Variants in PHACTR4 observed in about 807,000 individuals in gnomAD.
PHACTR4 encodes phosphatase and actin regulator 4, also known as protein phosphatase 1, regulatory subunit 124.
PHACTR4 carries 51 observed loss-of-function variants against 72.7 expected under a neutral mutation model. The ratio of observed to expected loss-of-function variants is 0.70; its 90% CI spans 0.56 to 0.89. The LOEUF (loss-of-function observed/expected upper bound fraction) is 0.89, where lower values mean the gene tolerates loss of function less well. Ranked by LOEUF, PHACTR4 falls within the 40% of genes least tolerant of loss-of-function variation. The pLI is 0.00. For missense variants in PHACTR4, 731 were observed against 861.8 expected (o/e 0.85, Z 1.90); for synonymous variants, 255 against 302.5 (o/e 0.84, Z 1.63).
At chr1:28,459,304 A>G (rs571464641) in intron 3 of PHACTR4, 46 bp downstream of exon 3, 36 of 1,516,266 alleles carry the variant, frequency 2.4e-5, no homozygotes, top group Non-Finnish European at 3.2e-5. Flanking sequence ...AGAATTCTCT[A>G]TGTTAGATGT....
chr1:28,388,679 G>A (rs947954384), intron 1 of PHACTR4, among the ~76,000 whole-genome samples: 2 of 152,094 alleles, frequency 1.3e-5, no homozygotes, highest in East Asian at 1.9e-4. Context: ...GTGAAACCCC[G>A]TCTCTACTAA....
rs192164131 is a variant in PHACTR4, at chr1:28,442,655, C to T, written c.17-16430C>T. ...CCGAGTAGCTGGGACTACAGGTGCC[C>T]ACCACTAAGCCTGGCTAATTTTTGT... On this transcript the variant is annotated intron_variant, in intron 2 of 13. Transcript: ENST00000373839. Among the ~76,000 whole-genome samples the T allele has an allele frequency of 1.4e-3, 219 of 151,982 alleles. 1 individual carries two copies. Among genetic ancestry groups the T allele is most frequent in the Non-Finnish European group, 2.5e-3 (173 of 67,954 alleles).
intron 2 of PHACTR4, among the ~76,000 whole-genome samples, chr1:28,445,833 G>A (rs1657427103): frequency 6.6e-6 from 1 of 152,108 alleles, no homozygotes; most frequent in Admixed American, 6.6e-5. Flanking sequence ...GGTTGAGGCT[G>A]CAGTGAGCCA....
At chr1:28,491,621 G>C (rs745696918) in intron 11 of PHACTR4, 29 bp from the exon 12 acceptor site, 1 of 1,613,692 alleles carries the variant, frequency 6.2e-7, no homozygotes, top group Non-Finnish European at 8.5e-7. Context: ...TTATTGGCTT[G>C]GTGAACTAAG....
intron 2 of PHACTR4, among the ~76,000 whole-genome samples, chr1:28,456,749 A>T (rs1227506545): frequency 1.3e-5 from 2 of 151,918 alleles, no homozygotes; most frequent in East Asian, 3.9e-4. Flanking sequence ...CATTCTCATA[A>T]TTTCAACTAT....
chr1:28,487,727 G>GTTTTTTTTTTTTTTTTT (rs780028378), intron 9 of PHACTR4, among the ~76,000 whole-genome samples: 6 of 63,310 alleles, frequency 9.5e-5, no homozygotes, highest in African/African-American at 3.3e-4. Context: ...GTTTTTTGTT[G>GTTTTTTTTTTTTTTTTT]TTTTTTTTTT....
At position 28,476,089 on chromosome 1, in the gene PHACTR4, A is replaced by C. The variant is rs867210146; in HGVS notation, c.1422-18A>C. On this transcript the variant is annotated intron_variant, in intron 7 of 13. Transcript: ENST00000373839. ...TCTTCATTTCTAAAAGGAAAATATA[A>C]TTATGTTAATTTGTTAGTCCAGACG... 1 of 1,579,746 alleles carries C rather than the reference A, an allele frequency of 6.3e-7. No individual in the cohort carries two copies. The highest frequency in any genetic ancestry group is 1.9e-4 in the Middle Eastern group (1 of 5,330).
intron 2 of PHACTR4, among the ~76,000 whole-genome samples, chr1:28,452,921 C>A (rs1471029158): frequency 6.6e-6 from 1 of 152,164 alleles, no homozygotes; most frequent in Non-Finnish European, 1.5e-5. Context: ...GAGCTCGAGA[C>A]CAGCCTAGCC....
At position 28,478,641 on chromosome 1, in the gene PHACTR4, A is replaced by C. The variant is rs538462518; in HGVS notation, c.1607-1810A>C. Among the ~76,000 whole-genome samples the C allele has an allele frequency of 9.2e-5, 14 of 151,660 alleles. No homozygotes were observed. The East Asian group carries it at 2.7e-3, about 29-fold the overall frequency. On this transcript the variant is annotated intron_variant, in intron 8 of 13. Coordinates refer to ENST00000373839, the MANE Select transcript of PHACTR4 (RefSeq NM_001048183.3). Reference sequence around the variant, plus strand: ...GTTTTTGTTTTTGTTTTTTTAGTGGAGACAGGGTTTCACCATATTGGCTGG... The same window carrying C: ...GTTTTTGTTTTTGTTTTTTTAGTGGCGACAGGGTTTCACCATATTGGCTGG...
chr1:28,388,809 C>G (rs1368225885), intron 1 of PHACTR4, among the ~76,000 whole-genome samples: 1 of 151,938 alleles, frequency 6.6e-6, no homozygotes, highest in Non-Finnish European at 1.5e-5. Context: ...GAGATCATGC[C>G]ATTGTACTCC....
chr1:28,478,360 A>G (rs868049745), intron 8 of PHACTR4, among the ~76,000 whole-genome samples: 2 of 152,202 alleles, frequency 1.3e-5, no homozygotes, highest in African/African-American at 4.8e-5. Context: ...TGCAATAAGC[A>G]TGACTGATTG....
chr1:28,480,719 C>G, intron 9 of PHACTR4, 115 bp downstream of exon 9: 4 of 1,356,324 alleles, frequency 2.9e-6, no homozygotes, highest in East Asian at 2.3e-5. Flanking sequence ...GAGACAGGGT[C>G]TTGCTCTGTC....
At chr1:28,475,622 C>G (rs977014210) in intron 7 of PHACTR4, among the ~76,000 whole-genome samples, 1 of 151,996 alleles carries the variant, frequency 6.6e-6, no homozygotes, top group African/African-American at 2.4e-5. Flanking sequence ...AGATTAATAC[C>G]TGCTAAAAAG....
intron 7 of PHACTR4, among the ~76,000 whole-genome samples, chr1:28,474,358 G>A (rs182336594): frequency 2.0e-5 from 3 of 151,654 alleles, no homozygotes; most frequent in Non-Finnish European, 4.4e-5. Context: ...ACCCTGTCTC[G>A]ATGAAAATAA....
intron 1 of PHACTR4, among the ~76,000 whole-genome samples, chr1:28,386,616 A>C (rs1652577175): frequency 6.6e-6 from 1 of 152,086 alleles, no homozygotes; most frequent in South Asian, 2.1e-4. Context: ...TGTTGGGTAT[A>C]TATATGTGGC....
rs1344376414 is a variant in PHACTR4 at position 28,497,688 on chromosome 1, A to C, written c.*1139A>C. On this transcript the variant is annotated 3_prime_UTR_variant, in exon 14 of 14. Coordinates refer to ENST00000373839, the MANE Select transcript of PHACTR4 (RefSeq NM_001048183.3). ...TAAATCCCCTTATTCCTTCCTTGCA[A>C]AAAAAAAAAAAAAAAAAGCCTTAGC... 8.5e-6 allele frequency: 1 copy of C among 117,082 alleles called. No individual in the cohort carries two copies. The highest frequency in any genetic ancestry group is 1.6e-5 in the Non-Finnish European group (1 of 61,788). The allele number at this position is 117,082 out of a possible 1,614,324, so 7.3% of individuals were successfully genotyped here. A position where few individuals can be genotyped will look rare whatever the true frequency, so the allele number is the denominator to read the frequency against.
At chr1:28,394,161 GAAGA>G (rs1653287057) in intron 1 of PHACTR4, among the ~76,000 whole-genome samples, 1 of 151,874 alleles carries the variant, frequency 6.6e-6, no homozygotes, top group South Asian at 2.1e-4. Context: ...TGTAGAAGTG[GAAGA>G]CAGTGATATT....
intron 2 of PHACTR4, among the ~76,000 whole-genome samples, chr1:28,439,382 A>G (rs1260206107): frequency 6.6e-6 from 1 of 152,150 alleles, no homozygotes; most frequent in Non-Finnish European, 1.5e-5. Flanking sequence ...CAAATGTTTC[A>G]TAATGTAGTG....
intron 2 of PHACTR4, among the ~76,000 whole-genome samples, chr1:28,443,423 G>A (rs146979543): frequency 4.6e-5 from 7 of 150,700 alleles, no homozygotes; most frequent in East Asian, 3.9e-4. Flanking sequence ...CTGGGACTAC[G>A]GGTGCACACT....
Sources: allele counts gnomAD v4.1 joint callset (sites outside exome capture counted in the v4.1 genomes callset), GRCh38; gene constraint gnomAD v4.1.1; transcripts MANE v1.5; gene names NCBI Gene and HGNC (gene_info 2026-07-23, HGNC 2026-07-21).